The following MARS1 variants were observed in gnomAD, a reference collection of about 807,000 sequenced individuals.
The protein encoded by MARS1 is methionyl-tRNA synthetase 1.
MARS1 carries 80 observed loss-of-function variants against 119.5 expected under a neutral mutation model. That is an observed-to-expected ratio of 0.67 (90% CI 0.56 to 0.81). The LOEUF is 0.81. Among genes scored for constraint, MARS1 ranks in the 30% least tolerant of loss-of-function variants. The pLI, the probability that MARS1 is intolerant of heterozygous loss-of-function variation, is 0.00. For synonymous variants in MARS1, 418 were observed against 433.4 expected (o/e 0.96, Z 0.44); for missense variants, 945 against 1,116.5 (o/e 0.85, Z 2.19).
intron 7 of MARS1, among the ~76,000 whole-genome samples, chr12:57,491,139 C>G (rs1386228729): frequency 6.6e-6 from 1 of 151,966 alleles, no homozygotes; most frequent in Non-Finnish European, 1.5e-5. Flanking sequence ...TCCCAAAGTG[C>G]TGGGATTACA....
intron 10 of MARS1, among the ~76,000 whole-genome samples, chr12:57,503,226 CTTGT>C (rs1474066429): frequency 6.7e-6 from 1 of 150,114 alleles, no homozygotes; most frequent in African/African-American, 2.4e-5. Flanking sequence ...AAGATCTGCA[CTTGT>C]TTCTTTTTTT....
At chr12:57,515,366 T>C (rs1877748232) in intron 18 of MARS1, 30 bp downstream of exon 18, 1 of 1,601,110 alleles carries the variant, frequency 6.2e-7, no homozygotes, top group Non-Finnish European at 8.5e-7. Context: ...TCTCTTAAAA[T>C]TGATACTCTT....
chr12:57,510,795 C>T (rs954001510), intron 11 of MARS1, among the ~76,000 whole-genome samples: 1 of 151,884 alleles, frequency 6.6e-6, no homozygotes, highest in East Asian at 1.9e-4. Context: ...TGGTTGGGCA[C>T]GGTGGCTTAT....
chr12:57,509,881 T>C (rs770876216), intron 11 of MARS1, among the ~76,000 whole-genome samples: 16 of 152,224 alleles, frequency 1.1e-4, no homozygotes, highest in Non-Finnish European at 2.2e-4. Flanking sequence ...AATCCTACAA[T>C]ATACCTAAAA....
intron 11 of MARS1, among the ~76,000 whole-genome samples, chr12:57,507,887 G>A (rs1329301017): frequency 1.3e-5 from 2 of 149,176 alleles, no homozygotes; most frequent in South Asian, 4.3e-4. Context: ...GGGCGGAGGG[G>A]CTCCTCACTT....
At chr12:57,494,313 C>T (rs1876461266) in intron 7 of MARS1, among the ~76,000 whole-genome samples, 2 of 146,568 alleles carry the variant, frequency 1.4e-5, no homozygotes, top group Admixed American at 1.4e-4. Flanking sequence ...TAAGCACTTA[C>T]TTCTTCTTTT....
chr12:57,512,118 G>C lies in MARS1; in HGVS notation c.1635+15G>C. On this transcript the variant is annotated intron_variant, in intron 13 of 20. Transcript: ENST00000262027. ...ACCCAGAGCAAGTGAGCAGTTCTTGGTTAGGCTGTGCATGGGGAGGGTAGG... is the reference window on the plus strand; with the variant it reads ...ACCCAGAGCAAGTGAGCAGTTCTTGCTTAGGCTGTGCATGGGGAGGGTAGG... The C allele has an allele frequency of 6.2e-7, 1 of 1,613,440 alleles. No individual in the cohort carries two copies. Among genetic ancestry groups the C allele is most frequent in the Non-Finnish European group, 8.5e-7 (1 of 1,179,336 alleles).
In MARS1 at chr12:57,516,650, A is replaced by G; in HGVS notation, c.*69A>G. The G allele has an allele frequency of 6.6e-7, 1 of 1,526,128 alleles. No individual in the cohort carries two copies. Among genetic ancestry groups the G allele is most frequent in the Non-Finnish European group, 8.8e-7 (1 of 1,140,270 alleles). 94.5% of individuals were successfully genotyped at this position (1,526,128 alleles called of 1,614,324 possible). A position where few individuals can be genotyped will look rare whatever the true frequency, so the allele number is the denominator to read the frequency against. ...TAATAAATAAATGTACAATCTCTATATACAAGCTGAGACCTTTCCTTTTGT... is the reference window on the plus strand; with the variant it reads ...TAATAAATAAATGTACAATCTCTATGTACAAGCTGAGACCTTTCCTTTTGT... On this transcript the variant is annotated 3_prime_UTR_variant, in exon 21 of 21. Transcript: ENST00000262027.
At position 57,498,582 on chromosome 12, in the gene MARS1, G is replaced by A. The variant is rs778527115; in HGVS notation, c.1050G>A (p.Ser350=). ...HADIYRWFNI[S]FDIFGRTTTP... is the part of the protein sequence containing the mutation. The stretch of plus-strand genomic sequence containing the variant: ...ACATCTACCGCTGGTTTAACATTTC[G>A]TTTGATATTTTTGGTCGCACCACCA... The change falls in exon 9 of 21, where the codon TCG becomes TCA. Residue 350 remains serine, a synonymous_variant. Transcript: ENST00000262027. 6 of 1,614,030 alleles carry A rather than the reference G, an allele frequency of 3.7e-6. No homozygotes were observed. In the East Asian group the frequency reaches 8.9e-5, roughly 24 times the overall value.
intron 7 of MARS1, among the ~76,000 whole-genome samples, chr12:57,493,863 T>A (rs1161174692): frequency 1.3e-4 from 3 of 22,304 alleles, no homozygotes; most frequent in Non-Finnish European, 2.4e-4. Context: ...TATATTTATA[T>A]TATATAATAT....
rs535904704 is a variant in MARS1 at position 57,488,569 on chromosome 12, C to A, written c.109+370C>A. 3.5e-4 allele frequency: 549 copies of A among 1,550,620 alleles called. 8 individuals carry two copies. The South Asian group carries it at 6.2e-3, about 17-fold the overall frequency. ...ACCCTTTTGTGTTCTTAGGAAATCC[C>A]TCTCTCCCCTCCTAACACACACACA... On this transcript the variant is annotated intron_variant, in intron 1 of 20. Transcript: ENST00000262027.
intron 11 of MARS1, among the ~76,000 whole-genome samples, chr12:57,508,297 G>A (rs1360329930): frequency 6.6e-6 from 1 of 152,262 alleles, no homozygotes; most frequent in Non-Finnish European, 1.5e-5. Flanking sequence ...CACTTTGGGA[G>A]GCCAAGGCAG....
rs745706047 is a variant in MARS1, at chr12:57,512,889, G to C, written c.1892G>C (p.Ser631Thr). The part of the protein sequence containing the change: ...LLYIRPEGQD[S>T]AFSWTDLLLK... The stretch of plus-strand genomic sequence containing the variant: ...TACATTCGGCCTGAGGGCCAGGACA[G>C]TGCTTTCTCCTGGACGGACCTGCTG... The change falls in exon 15 of 21, where the codon AGT becomes ACT. Residue 631 changes from serine to threonine, a missense_variant. Physicochemically the swap from Ser to Thr is moderately conservative, Grantham distance 58 (BLOSUM62 1). Coordinates refer to ENST00000262027, the MANE Select transcript of MARS1 (RefSeq NM_004990.4). 1 of 1,614,148 alleles carries C rather than the reference G, an allele frequency of 6.2e-7. No individual in the cohort carries two copies. The highest frequency in any genetic ancestry group is 1.3e-5 in the African/African-American group (1 of 74,940).
intron 11 of MARS1, among the ~76,000 whole-genome samples, chr12:57,509,470 T>C (rs930539630): frequency 2.0e-5 from 3 of 151,452 alleles, no homozygotes; most frequent in African/African-American, 4.9e-5. Flanking sequence ...GCAGTGGCAC[T>C]ATCTTGGCTC....
chr12:57,511,349 T>G (rs1473154838), intron 11 of MARS1, among the ~76,000 whole-genome samples: 1 of 152,012 alleles, frequency 6.6e-6, no homozygotes, highest in Non-Finnish European at 1.5e-5. Context: ...TTTTGGAGGC[T>G]GAGGTGGGCA....
At position 57,511,904 on chromosome 12, in the gene MARS1, A is replaced by G. The variant is rs1284467; in HGVS notation, c.1539+36A>G. ...TTTTTTATTCATATCATTCAGCCTT[A>G]GTGTTGAAACCCTGGGCTAGCAGAG... On this transcript the variant is annotated intron_variant, in intron 12 of 20. Coordinates refer to ENST00000262027, the MANE Select transcript of MARS1 (RefSeq NM_004990.4). 0.99 allele frequency: 1,603,637 copies of G among 1,611,912 alleles called. 798,024 individuals carry two copies. Among genetic ancestry groups the G allele is most frequent in the East Asian group, 1 (44,858 of 44,858 alleles).
At chr12:57,515,837 T>G in intron 18 of MARS1, 83 bp from the exon 19 acceptor site, 5 of 959,640 alleles carry the variant, frequency 5.2e-6, no homozygotes, top group Non-Finnish European at 8.1e-6. Flanking sequence ...ACATCAGAGA[T>G]TGGGGTTGGA....
At position 57,494,588 on chromosome 12, in the gene MARS1, G is replaced by A. The variant is rs574551669; in HGVS notation, c.771-3569G>A. Among the ~76,000 whole-genome samples the A allele has an allele frequency of 1.7e-3, 260 of 150,782 alleles. 2 individuals carry two copies. The highest frequency in any genetic ancestry group is 6.2e-3 in the African/African-American group (253 of 40,996). ...TTGGCAGGGTCATAGGACAATAGTG[G>A]AGGGAAGGTCAGCAGATAAACATGT... On this transcript the variant is annotated intron_variant, in intron 7 of 20. Transcript: ENST00000262027.
Position 57,515,153 on chromosome 12 carries a change from A to T in MARS1, c.2208A>T (p.Gln736His). Residue 736 changes from glutamine (Q) to histidine (H), a missense_variant, in exon 18 of 21, where the codon CAA becomes CAT. Gln to His is a conservative substitution (Grantham distance 24). Coordinates refer to ENST00000262027, the MANE Select transcript of MARS1 (RefSeq NM_004990.4). Reference protein sequence around the residue: ...KRIKGSEADRQRAGTVTGLAV... With the variant: ...KRIKGSEADRHRAGTVTGLAV... ...ACTAATGTCTCCTCTTCCTCAGGCA[A>T]CGGGCAGGAACAGTGACTGGCTTGG... is the stretch of plus-strand genomic sequence containing the variant. The T allele has an allele frequency of 6.2e-7, 1 of 1,614,198 alleles. No homozygotes were observed. The highest frequency in any genetic ancestry group is 8.5e-7 in the Non-Finnish European group (1 of 1,180,026).
Sources: gnomAD v4.1 joint callset for allele counts (sites outside exome capture counted in the v4.1 genomes callset) on GRCh38, gnomAD v4.1.1 for gene constraint, MANE v1.5 for transcripts, NCBI Gene and HGNC (gene_info 2026-07-23, HGNC 2026-07-21) for gene names.